The following NFIB variants were observed in gnomAD, a reference collection of about 807,000 sequenced individuals.
NFIB encodes nuclear factor I B.
Under a neutral mutation model 61.5 loss-of-function variants are expected in NFIB, and 11 were observed. That is an observed-to-expected ratio of 0.18 (90% CI 0.11 to 0.30). The LOEUF is 0.30. Among genes scored for constraint, NFIB ranks in the 10% least tolerant of loss-of-function variants. The pLI is 1.00. For missense variants in NFIB, 471 were observed against 608.9 expected (o/e 0.77, Z 2.38); for synonymous variants, 260 against 216.5 (o/e 1.20, Z -1.76).
At chr9:14,158,171 C>T (rs1394106029) in intron 3 of NFIB, among the ~76,000 whole-genome samples, 1 of 151,604 alleles carries the variant, frequency 6.6e-6, no homozygotes, top group Non-Finnish European at 1.5e-5. Flanking sequence ...ATCATGACTA[C>T]AGCTCATATA....
At position 14,082,876 on chromosome 9, in the gene NFIB, G is replaced by C. The variant is rs1267439084; in HGVS notation, c.*5433C>G. ...TCAAAACCATTCTGTCAAAAATACAGTAATACAAGACTGGCTTTAGTGTCA... is the reference window on the plus strand; with the variant it reads ...TCAAAACCATTCTGTCAAAAATACACTAATACAAGACTGGCTTTAGTGTCA... On this transcript the variant is annotated 3_prime_UTR_variant, in exon 11 of 11. Coordinates refer to ENST00000380953, the MANE Select transcript of NFIB (RefSeq NM_001190737.2). The C allele has an allele frequency of 4.8e-6, 1 of 206,836 alleles. No individual in the cohort carries two copies. Among genetic ancestry groups the C allele is most frequent in the Non-Finnish European group, 9.9e-6 (1 of 101,450 alleles). The allele number at this position is 206,836 out of a possible 1,614,324, so 12.8% of individuals were successfully genotyped here. A position where few individuals can be genotyped will look rare whatever the true frequency, so the allele number is the denominator to read the frequency against.
chr9:14,350,488 C>T (rs1419005067), intron 1 of NFIB, among the ~76,000 whole-genome samples: 1 of 142,478 alleles, frequency 7.0e-6, no homozygotes, highest in Non-Finnish European at 1.5e-5. Context: ...CCCCCAATTC[C>T]TATAGGGCGA....
At chr9:14,212,043 C>T (rs760156805) in intron 2 of NFIB, among the ~76,000 whole-genome samples, 3 of 152,140 alleles carry the variant, frequency 2.0e-5, no homozygotes, top group Non-Finnish European at 4.4e-5. Flanking sequence ...AATACGTTGC[C>T]ATTTATCATA....
intron 3 of NFIB, among the ~76,000 whole-genome samples, chr9:14,158,995 T>C (rs546111260): frequency 6.8e-4 from 104 of 151,880 alleles, no homozygotes; most frequent in Non-Finnish European, 1.3e-3. Flanking sequence ...AATATCTATG[T>C]GTAATCTGAA....
chr9:14,099,037 C>A (rs1055196705), intron 10 of NFIB, among the ~76,000 whole-genome samples: 1 of 152,120 alleles, frequency 6.6e-6, no homozygotes, highest in Non-Finnish European at 1.5e-5. Flanking sequence ...CCGACAAGAG[C>A]TGCATTTGAC....
At chr9:14,111,212 G>T (rs2037315957) in intron 10 of NFIB, among the ~76,000 whole-genome samples, 1 of 152,054 alleles carries the variant, frequency 6.6e-6, no homozygotes, top group African/African-American at 2.4e-5. Flanking sequence ...CATGATGCTT[G>T]CTAAGTTTTC....
chr9:14,430,329 C>T, the NFIB span, among the ~76,000 whole-genome samples: 1 of 151,922 alleles, frequency 6.6e-6, no homozygotes, highest in Non-Finnish European at 1.5e-5. Flanking sequence ...ATTAAGACTT[C>T]TTCTTGCCAT....
intron 1 of NFIB, among the ~76,000 whole-genome samples, chr9:14,360,364 C>G (rs2061224382): frequency 1.3e-5 from 2 of 152,128 alleles, no homozygotes. Flanking sequence ...ATTTTCCGAA[C>G]AGTTCTAAAT....
At position 14,332,682 on chromosome 9, in the gene NFIB, G is replaced by A. The variant is rs528604485; in HGVS notation, c.109-25162C>T. 6.6e-5 allele frequency among the ~76,000 whole-genome samples: 10 copies of A among 152,288 alleles called. No individual in the cohort carries two copies. In the East Asian group the frequency reaches 1.7e-3, roughly 26 times the overall value. ...ATATCAGAACCTACCAACACAAAGA[G>A]TGTTAGTCATCTATTGAAGAAGACG... On this transcript the variant is annotated intron_variant, in intron 1 of 8. Transcript: ENST00000380934.
At chr9:14,252,955 G>GAGGA (rs1263493457) in intron 2 of NFIB, among the ~76,000 whole-genome samples, 5 of 137,568 alleles carry the variant, frequency 3.6e-5, no homozygotes, top group African/African-American at 1.1e-4. Context: ...GGAAAGGAGG[G>GAGGA]AGGAAGGAAG....
chr9:14,219,755 G>C (rs2051412517), intron 2 of NFIB, among the ~76,000 whole-genome samples: 2 of 152,192 alleles, frequency 1.3e-5, no homozygotes, highest in South Asian at 4.1e-4. Context: ...ACATTTGATG[G>C]GATATAAGAA....
At chr9:14,503,904 T>A in the NFIB span, among the ~76,000 whole-genome samples, 1 of 152,220 alleles carries the variant, frequency 6.6e-6, no homozygotes, top group Non-Finnish European at 1.5e-5. Context: ...CCTAAGCCAA[T>A]GTCTACAAGG....
the NFIB span, among the ~76,000 whole-genome samples, chr9:14,482,970 A>G: frequency 2.6e-5 from 4 of 152,210 alleles, no homozygotes; most frequent in African/African-American, 9.6e-5. Context: ...AAGAGAAACA[A>G]AATCAATAAA....
Position 14,206,196 on chromosome 9 carries a change from T to G in NFIB, c.563-26416A>C, listed in dbSNP as rs545587311. Among the ~76,000 whole-genome samples, 24 of 151,948 alleles carry G rather than the reference T, an allele frequency of 1.6e-4. No individual in the cohort carries two copies. The South Asian group carries it at 5.0e-3, about 32-fold the overall frequency. The stretch of plus-strand genomic sequence containing the variant: ...CTCTCTCTTTTTTTTTTTTTTCTTC[T>G]TTGAGATGGAATCTCACTCTGCCAC... On this transcript the variant is annotated intron_variant, in intron 2 of 10. Coordinates refer to ENST00000380953, the MANE Select transcript of NFIB (RefSeq NM_001190737.2).
At chr9:14,342,138 T>C (rs965648106) in intron 1 of NFIB, among the ~76,000 whole-genome samples, 3 of 152,214 alleles carry the variant, frequency 2.0e-5, no homozygotes. Context: ...TGTGAAAACG[T>C]ATACATGGCT....
At chr9:14,478,533 T>A in the NFIB span, among the ~76,000 whole-genome samples, 6 of 152,230 alleles carry the variant, frequency 3.9e-5, no homozygotes, top group Non-Finnish European at 7.3e-5. Flanking sequence ...TACATTTATA[T>A]AGAAATCACT....
At chr9:14,098,992 C>T (rs2035312878) in intron 10 of NFIB, among the ~76,000 whole-genome samples, 1 of 152,204 alleles carries the variant, frequency 6.6e-6, no homozygotes, top group African/African-American at 2.4e-5. Context: ...TTTGATTATA[C>T]TTGCACAGCT....
the NFIB span, among the ~76,000 whole-genome samples, chr9:14,487,905 G>C: frequency 5.9e-5 from 9 of 152,306 alleles, no homozygotes; most frequent in Non-Finnish European, 1.2e-4. Context: ...GGCAGGGTTA[G>C]TGGAGACTCA....
chr9:14,222,388 C>G (rs976653995), intron 2 of NFIB, among the ~76,000 whole-genome samples: 17 of 152,150 alleles, frequency 1.1e-4, no homozygotes, highest in African/African-American at 4.1e-4. Context: ...TTCCTGGATT[C>G]CAGGCTCAGG....
Sources: gnomAD v4.1 joint callset for allele counts (sites outside exome capture counted in the v4.1 genomes callset) on GRCh38, gnomAD v4.1.1 for gene constraint, MANE v1.5 for transcripts, NCBI Gene and HGNC (gene_info 2026-07-23, HGNC 2026-07-21) for gene names.